RELCH: variants seen among roughly 807,000 people sequenced by gnomAD.
The protein encoded by RELCH is RAB11 binding and LisH domain, coiled-coil and HEAT repeat containing, also known as RAB11-binding protein RELCH.
In RELCH, 41 loss-of-function variants were observed where a neutral mutation model predicts 150.3. The ratio of observed to expected loss-of-function variants is 0.27; its 90% CI spans 0.21 to 0.35. The LOEUF (loss-of-function observed/expected upper bound fraction) is 0.35, where lower values mean the gene tolerates loss of function less well. Among genes scored for constraint, RELCH ranks in the 10% least tolerant of loss-of-function variants. The pLI, the probability that RELCH is intolerant of heterozygous loss-of-function variation, is 1.00. For missense variants in RELCH, 1,092 were observed against 1,467.8 expected (o/e 0.74, Z 4.18); for synonymous variants, 478 against 531.8 (o/e 0.90, Z 1.39).
rs970109424 is a variant in RELCH at position 62,254,306 on chromosome 18, C to A, written c.1825-1101C>A. On this transcript the variant is annotated intron_variant, in intron 12 of 28. Coordinates refer to ENST00000644646, the MANE Select transcript of RELCH (RefSeq NM_001346231.2). Reference sequence around the variant, plus strand: ...AATTTGTATTTTTCCGAGTAGTGTACGTTTTGCCCTTTTGTTTTATTTATT... The same window carrying A: ...AATTTGTATTTTTCCGAGTAGTGTAAGTTTTGCCCTTTTGTTTTATTTATT... Among the ~76,000 whole-genome samples, 3 of 152,036 alleles carry A rather than the reference C, an allele frequency of 2.0e-5. No individual in the cohort carries two copies. In the East Asian group the frequency reaches 5.8e-4, roughly 29 times the overall value.
chr18:62,214,420 A>G lies in RELCH; in HGVS notation c.616+3178A>G, dbSNP rs192573508. On this transcript the variant is annotated intron_variant, in intron 2 of 28. Transcript: ENST00000644646. The stretch of plus-strand genomic sequence containing the variant: ...TGTCTTTCATCTGCCATTGAATTAC[A>G]CGTAAACCTCATTAACTCCTCATGG... Among the ~76,000 whole-genome samples the G allele has an allele frequency of 3.5e-3, 540 of 152,338 alleles. 3 individuals carry two copies. Among genetic ancestry groups the G allele is most frequent in the African/African-American group, 0.012 (514 of 41,588 alleles).
At chr18:62,275,675 C>G in intron 22 of RELCH, 1 of 410,172 alleles carries the variant, frequency 2.4e-6, no homozygotes, top group East Asian at 4.1e-5. Flanking sequence ...GTTTTCTCAG[C>G]TTACTGGTTC....
intron 11 of RELCH, chr18:62,246,515 A>G (rs953891599): frequency 1.3e-5 from 2 of 152,252 alleles, no homozygotes; most frequent in Non-Finnish European, 2.9e-5. Flanking sequence ...TTTAAAAAGT[A>G]TAAAAAACTA....
chr18:62,253,733 A>G lies in RELCH; in HGVS notation c.1824+979A>G, dbSNP rs569245027. Among the ~76,000 whole-genome samples, 12 of 152,286 alleles carry G rather than the reference A, an allele frequency of 7.9e-5. No homozygotes were observed. In the East Asian group the frequency reaches 2.3e-3, roughly 29 times the overall value. ...CCTAGATTCAATAGACAAAGTAAAC[A>G]TTACATATAATAATAACTACCTGTC... On this transcript the variant is annotated intron_variant, in intron 12 of 28. Coordinates refer to ENST00000644646, the MANE Select transcript of RELCH (RefSeq NM_001346231.2).
intron 1 of RELCH, among the ~76,000 whole-genome samples, chr18:62,192,667 G>A (rs2038733443): frequency 6.6e-6 from 1 of 152,040 alleles, no homozygotes; most frequent in Non-Finnish European, 1.5e-5. Flanking sequence ...GCTTGTTTTT[G>A]TCATGTATGT....
intron 26 of RELCH, among the ~76,000 whole-genome samples, chr18:62,289,168 A>G (rs2044977264): frequency 6.6e-6 from 1 of 152,166 alleles, no homozygotes; most frequent in African/African-American, 2.4e-5. Context: ...ACTAGAGTAA[A>G]TACAGTAAAA....
At chr18:62,302,487 G>T (rs189689719) in intron 28 of RELCH, among the ~76,000 whole-genome samples, 1 of 152,174 alleles carries the variant, frequency 6.6e-6, no homozygotes, top group East Asian at 1.9e-4. Flanking sequence ...AACCAGAATG[G>T]TGTTAGAAAT....
chr18:62,279,735 G>T (rs774417551), intron 22 of RELCH, 39 bp from the exon 23 acceptor site: 3 of 1,341,914 alleles, frequency 2.2e-6, no homozygotes, highest in African/African-American at 1.4e-5. Context: ...TGCTCTTTCC[G>T]TGCATCACCT....
At position 62,267,484 on chromosome 18, in the gene RELCH, ATGTGTGTGTGTG is replaced by A. The variant is rs36203741; in HGVS notation, c.2680+759_2680+770del. Among the ~76,000 whole-genome samples the A allele has an allele frequency of 4.6e-4, 62 of 135,806 alleles. 1 individual carries two copies. Among genetic ancestry groups the A allele is most frequent in the African/African-American group, 1.4e-3 (52 of 37,324 alleles). The allele number at this position is 135,806 out of a possible 152,430, so 89.1% of individuals were successfully genotyped here. A position where few individuals can be genotyped will look rare whatever the true frequency, so the allele number is the denominator to read the frequency against. On this transcript the variant is annotated intron_variant, in intron 19 of 28. Coordinates refer to ENST00000644646, the MANE Select transcript of RELCH (RefSeq NM_001346231.2). ...GAATATATATATAGTCTAGGTATAT[ATGTGTGTGTGTG>A]TGTGTGTGTGTGTGTGTGTGTGTAT...
chr18:62,255,621 C>T (rs1024720050), intron 13 of RELCH, 143 bp downstream of exon 13: 1 of 656,002 alleles, frequency 1.5e-6, no homozygotes, highest in Non-Finnish European at 2.6e-6. Context: ...AAAAGAGACT[C>T]ACATTAGTAC....
At chr18:62,299,171 C>T (rs776855659) in intron 28 of RELCH, among the ~76,000 whole-genome samples, 2 of 152,164 alleles carry the variant, frequency 1.3e-5, no homozygotes, top group African/African-American at 4.8e-5. Context: ...GTTGTTCACT[C>T]ACCAGTCAAA....
At position 62,280,640 on chromosome 18, in the gene RELCH, T is replaced by C; in HGVS notation, c.3051-6T>C. On this transcript the variant is annotated splice_polypyrimidine_tract_variant and splice_region_variant and intron_variant, in intron 23 of 28. Coordinates refer to ENST00000644646, the MANE Select transcript of RELCH (RefSeq NM_001346231.2). ...CTTCAGTTTCTTTCTGTTTTAATTCTAACAGCTCTGTCAGGATTGCCACAA... is the reference window on the plus strand; with the variant it reads ...CTTCAGTTTCTTTCTGTTTTAATTCCAACAGCTCTGTCAGGATTGCCACAA... The C allele has an allele frequency of 6.2e-7, 1 of 1,606,220 alleles. No homozygotes were observed.
At chr18:62,245,469 C>G (rs537229488) in intron 11 of RELCH, among the ~76,000 whole-genome samples, 1 of 151,832 alleles carries the variant, frequency 6.6e-6, no homozygotes, top group Non-Finnish European at 1.5e-5. Context: ...TCTAAAAATA[C>G]GAAAAAATCA....
chr18:62,255,603 T>A, intron 13 of RELCH, 125 bp downstream of exon 13: 1 of 717,298 alleles, frequency 1.4e-6, no homozygotes, highest in Non-Finnish European at 2.3e-6. Flanking sequence ...AGAAAAGAGA[T>A]GATCCAAAAA....
At chr18:62,217,989 A>G (rs1327875821) in intron 2 of RELCH, among the ~76,000 whole-genome samples, 4 of 151,992 alleles carry the variant, frequency 2.6e-5, no homozygotes, top group Non-Finnish European at 5.9e-5. Flanking sequence ...AAGTTTCTCA[A>G]GTCTATAATT....
chr18:62,262,151 GT>G (rs1190500602), intron 16 of RELCH, among the ~76,000 whole-genome samples: 1 of 152,054 alleles, frequency 6.6e-6, no homozygotes, highest in Non-Finnish European at 1.5e-5. Context: ...CAGAATTTGT[GT>G]TTTTCCAAAG....
At chr18:62,242,758 G>A (rs377445907) in intron 10 of RELCH, among the ~76,000 whole-genome samples, 60 of 152,212 alleles carry the variant, frequency 3.9e-4, no homozygotes, top group Non-Finnish European at 8.1e-4. Flanking sequence ...AATATAAGGC[G>A]TAAAGGATAA....
intron 27 of RELCH, 32 bp from the exon 28 acceptor site, chr18:62,298,758 T>C (rs377490669): frequency 3.0e-6 from 3 of 1,007,920 alleles, no homozygotes; most frequent in South Asian, 2.7e-5. Flanking sequence ...CTATGTAAAC[T>C]GTATTTCACT....
chr18:62,244,078 A>G (rs2148495665), intron 10 of RELCH, among the ~76,000 whole-genome samples: 1 of 152,270 alleles, frequency 6.6e-6, no homozygotes, highest in Non-Finnish European at 1.5e-5. Context: ...ATTAAAATGT[A>G]AAACAATGTA....
Sources: gnomAD v4.1 joint callset for allele counts (sites outside exome capture counted in the v4.1 genomes callset) on GRCh38, gnomAD v4.1.1 for gene constraint, MANE v1.5 for transcripts, NCBI Gene and HGNC (gene_info 2026-07-23, HGNC 2026-07-21) for gene names.